The following FBXW8 variants were observed in gnomAD, a reference collection of about 807,000 sequenced individuals.
FBXW8 encodes the protein F-box/WD repeat-containing protein 8.
FBXW8 carries 57 observed loss-of-function variants against 65.3 expected under a neutral mutation model. The observed-to-expected ratio is 0.87, with a 90% CI of 0.71 to 1.09. FBXW8 has a LOEUF of 1.09. Ranked by LOEUF, FBXW8 falls within the 50% of genes least tolerant of loss-of-function variation. FBXW8 has a pLI of 0.00. For missense variants in FBXW8, 777 were observed against 814.8 expected, an observed-to-expected ratio of 0.95 and a Z score of 0.57; for synonymous variants, 308 against 330.2, an observed-to-expected ratio of 0.93 and a Z score of 0.73.
At chr12:117,013,940 T>C (rs1953887542) in intron 8 of FBXW8, among the ~76,000 whole-genome samples, 1 of 152,126 alleles carries the variant, frequency 6.6e-6, no homozygotes, top group Non-Finnish European at 1.5e-5. Context: ...TGGGGTTTAT[T>C]AAGCGTTTAG....
At chr12:117,026,222 C>A (rs1403652785) in intron 9 of FBXW8, among the ~76,000 whole-genome samples, 1 of 152,164 alleles carries the variant, frequency 6.6e-6, no homozygotes, top group African/African-American at 2.4e-5. Context: ...GCCTGCCCTC[C>A]CTCCCCGGGT....
rs75530148 is a variant in FBXW8, at chr12:116,927,659, C to T, written c.319-364C>T. ...CTCACTTTCTTGGCCGCCTGCTGCT[C>T]ACCTTTCCTTAGAGGTCAGGAGGCT... On this transcript the variant is annotated intron_variant, in intron 1 of 10. Coordinates refer to ENST00000652555, the MANE Select transcript of FBXW8 (RefSeq NM_153348.3). Among the ~76,000 whole-genome samples the T allele has an allele frequency of 1.7e-3, 252 of 152,286 alleles. 7 individuals carry two copies. In the East Asian group the frequency reaches 0.042, roughly 25 times the overall value.
intron 9 of FBXW8, among the ~76,000 whole-genome samples, chr12:117,026,467 T>C (rs569231290): frequency 3.3e-4 from 51 of 152,284 alleles, no homozygotes; most frequent in South Asian, 6.2e-4. Context: ...CCACCAACAC[T>C]TTCCTTCTGT....
At chr12:116,917,797 C>T (rs1020262332) in intron 1 of FBXW8, among the ~76,000 whole-genome samples, 1 of 152,046 alleles carries the variant, frequency 6.6e-6, no homozygotes, top group African/African-American at 2.4e-5. Context: ...TCAAGACCAT[C>T]CTGGCTAAGA....
At chr12:117,007,588 A>G (rs2135705810) in intron 7 of FBXW8, among the ~76,000 whole-genome samples, 1 of 152,346 alleles carries the variant, frequency 6.6e-6, no homozygotes, top group South Asian at 2.1e-4. Flanking sequence ...TTAGTGCAGA[A>G]TATTTTCTCC....
chr12:116,936,445 G>A lies in FBXW8; in HGVS notation c.423+8318G>A, dbSNP rs1264402355. On this transcript the variant is annotated intron_variant, in intron 2 of 10. Transcript: ENST00000652555. This position sits in a 1 kb window ranked among gnomAD's most constrained non-coding sequence, Gnocchi z 4.6. ...CCGATGTGATTAGGTTAAGGATCTA[G>A]AGATGGGGTGATTATCTTGGATTAT... Among the ~76,000 whole-genome samples, 1 of 152,170 alleles carries A rather than the reference G, an allele frequency of 6.6e-6. No homozygotes were observed. Among genetic ancestry groups the A allele is most frequent in the Non-Finnish European group, 1.5e-5 (1 of 68,036 alleles).
Position 116,985,390 on chromosome 12 carries a change from A to T in FBXW8, c.1020A>T (p.Glu340Asp). ...EGYWQIAAEFEVPKLVQYLEI... is the reference protein window; with the variant it reads ...EGYWQIAAEFDVPKLVQYLEI... Reference sequence around the variant, plus strand: ...ACTGGCAGATAGCTGCGGAATTTGAAGTTCCGAAACTGGTGAGCTTTTTAG... The same window carrying T: ...ACTGGCAGATAGCTGCGGAATTTGATGTTCCGAAACTGGTGAGCTTTTTAG... Residue 340 changes from glutamate (E) to aspartate (D), a missense_variant, in exon 6 of 11, where the codon GAA becomes GAT. Coordinates refer to ENST00000652555, the MANE Select transcript of FBXW8 (RefSeq NM_153348.3). 1 of 1,611,266 alleles carries T rather than the reference A, an allele frequency of 6.2e-7. No homozygotes were observed. The highest frequency in any genetic ancestry group is 8.5e-7 in the Non-Finnish European group (1 of 1,179,348).
intron 7 of FBXW8, among the ~76,000 whole-genome samples, chr12:116,996,657 C>T (rs1953384815): frequency 1.3e-5 from 2 of 152,038 alleles, no homozygotes; most frequent in Non-Finnish European, 2.9e-5. Flanking sequence ...TTACCTTAAA[C>T]CTTTAATGTT....
In FBXW8 at chr12:117,028,105, C is replaced by T; in HGVS notation, c.1730C>T (p.Ser577Leu). ...CAGAGCCCTCTCCCTGTCTGCCGTT[C>T]ATCCTGTGACGCCATGGCCACTCAC... ...AFQSPLPVCRSSCDAMATHYY... is the reference protein window; with the variant it reads ...AFQSPLPVCRLSCDAMATHYY... The change falls in exon 11 of 11, where the codon TCA (serine) becomes TTA (leucine). Residue 577 changes from serine to leucine, a missense_variant. By Grantham distance (145) the Ser-to-Leu change is moderately radical. Transcript: ENST00000652555. This position sits in a 1 kb window ranked among gnomAD's most constrained non-coding sequence, Gnocchi z 4.1. The T allele has an allele frequency of 6.2e-7, 1 of 1,614,174 alleles. No homozygotes were observed. The highest frequency in any genetic ancestry group is 1.1e-5 in the South Asian group (1 of 91,086).
chr12:116,984,252 C>T (rs1289752630), intron 5 of FBXW8, among the ~76,000 whole-genome samples: 1 of 152,146 alleles, frequency 6.6e-6, no homozygotes, highest in African/African-American at 2.4e-5. Context: ...TCCTAAACTC[C>T]AGTGGACATC....
In FBXW8 at chr12:116,911,225, C is replaced by G; in HGVS notation, c.188C>G (p.Ala63Gly). The G allele has an allele frequency of 8.1e-7, 1 of 1,241,632 alleles. No individual in the cohort carries two copies. Among genetic ancestry groups the G allele is most frequent in the African/African-American group, 1.6e-5 (1 of 64,110 alleles). 76.9% of individuals were successfully genotyped at this position (1,241,632 alleles called of 1,614,324 possible). Residue 63 changes from alanine (A) to glycine (G), a missense_variant, in exon 1 of 11, where the codon GCG becomes GGG. Physicochemically the swap from Ala to Gly is moderately conservative, Grantham distance 60. Coordinates refer to ENST00000652555, the MANE Select transcript of FBXW8 (RefSeq NM_153348.3). ...CTGGCCCAGCGTCTCCTGGAGGGCG[C>G]GGGGAGGCCCCCGGCGGCGCGGGCG... ...PALAQRLLEG[A>G]GRPPAARATR...
chr12:116,973,297 T>G (rs1003348248), intron 5 of FBXW8, among the ~76,000 whole-genome samples: 2 of 152,006 alleles, frequency 1.3e-5, no homozygotes, highest in Admixed American at 6.6e-5. Flanking sequence ...TAATAATTGA[T>G]TCAGACAAAA....
intron 7 of FBXW8, among the ~76,000 whole-genome samples, chr12:116,999,799 C>T (rs902973156): frequency 6.6e-6 from 1 of 152,198 alleles, no homozygotes; most frequent in Non-Finnish European, 1.5e-5. Context: ...GCGCCATCCT[C>T]AATGTGCCAC....
intron 2 of FBXW8, among the ~76,000 whole-genome samples, chr12:116,940,931 A>G (rs984590583): frequency 6.6e-6 from 1 of 152,224 alleles, no homozygotes; most frequent in Non-Finnish European, 1.5e-5. Flanking sequence ...GTCAGAATGG[A>G]AACTATATGA....
chr12:116,967,193 C>G (rs1281682282), intron 5 of FBXW8, among the ~76,000 whole-genome samples: 2 of 148,356 alleles, frequency 1.3e-5, no homozygotes, highest in Admixed American at 6.8e-5. Flanking sequence ...AATGGCACAT[C>G]TTGGTGATCT....
chr12:116,952,102 G>T (rs988978973), intron 4 of FBXW8, among the ~76,000 whole-genome samples: 2 of 152,146 alleles, frequency 1.3e-5, no homozygotes, highest in Admixed American at 1.3e-4. Context: ...TTTCCACACT[G>T]TTCTATTTAG....
At chr12:117,018,942 C>G (rs987168022) in intron 8 of FBXW8, among the ~76,000 whole-genome samples, 1 of 151,882 alleles carries the variant, frequency 6.6e-6, no homozygotes, top group Non-Finnish European at 1.5e-5. Context: ...TCTGATTAAC[C>G]AAATATGCAC....
chr12:116,930,755 A>G (rs868000256), intron 2 of FBXW8, among the ~76,000 whole-genome samples: 2 of 152,112 alleles, frequency 1.3e-5, no homozygotes, highest in South Asian at 4.1e-4. Context: ...TTTCTTTCCC[A>G]TAGTTTTACA....
chr12:117,010,916 G>T lies in FBXW8; in HGVS notation c.1367+466G>T, dbSNP rs996163079. On this transcript the variant is annotated intron_variant, in intron 8 of 10. Transcript: ENST00000652555. ...TGATGGAAGGAAAGAGAGACTTCAT[G>T]TGAACAGATTCCACTTTCTATTTAG... Among the ~76,000 whole-genome samples, 4 of 152,226 alleles carry T rather than the reference G, an allele frequency of 2.6e-5. No homozygotes were observed. In the East Asian group the frequency reaches 7.7e-4, roughly 29 times the overall value.
Sources: allele counts gnomAD v4.1 joint callset (sites outside exome capture counted in the v4.1 genomes callset), GRCh38; gene constraint gnomAD v4.1.1; non-coding constraint Gnocchi (gnomAD v3.1); transcripts MANE v1.5; gene names NCBI Gene and HGNC (gene_info 2026-07-23, HGNC 2026-07-21).